The following DACH2 variants were observed in gnomAD, a reference collection of about 807,000 sequenced individuals.
DACH2 encodes the protein dachshund homolog 2.
DACH2 carries 17 observed loss-of-function variants against 35.8 expected under a neutral mutation model. That is an observed-to-expected ratio of 0.48 (90% CI 0.33 to 0.71). The LOEUF is 0.71. Ranked by LOEUF, DACH2 falls within the 30% of genes least tolerant of loss-of-function variation. The pLI, the probability that DACH2 is intolerant of heterozygous loss-of-function variation, is 0.02. For synonymous variants in DACH2, 195 were observed against 177.3 expected, an observed-to-expected ratio of 1.10 and a Z score of -0.79; for missense variants, 469 against 472.7, an observed-to-expected ratio of 0.99 and a Z score of 0.07.
At position 86,394,551 on chromosome X, in the gene DACH2, A is replaced by T. The variant is rs184202376; in HGVS notation, c.527+17689A>T. Reference sequence around the variant, plus strand: ...GATAAAAGAGTATTTCTTTTGAAAAATTTGATATTTTCAAGTTGCTAACTA... The same window carrying T: ...GATAAAAGAGTATTTCTTTTGAAAATTTTGATATTTTCAAGTTGCTAACTA... On this transcript the variant is annotated intron_variant, in intron 2 of 11. Coordinates refer to ENST00000373125, the MANE Select transcript of DACH2 (RefSeq NM_053281.3). 8.1e-5 allele frequency among the ~76,000 whole-genome samples: 9 copies of T among 111,711 alleles called. No individual in the cohort carries two copies. In the East Asian group the frequency reaches 1.1e-3, roughly 14 times the overall value.
intron 3 of DACH2, among the ~76,000 whole-genome samples, chrX:86,587,140 G>A (rs1017843689): frequency 1.8e-5 from 2 of 111,565 alleles, no homozygotes; most frequent in Non-Finnish European, 3.8e-5. Context: ...TCTGTGGTTA[G>A]CTATATTCCA....
At chrX:86,805,797 CA>C (rs2042338859) in intron 7 of DACH2, among the ~76,000 whole-genome samples, 1 of 112,117 alleles carries the variant, frequency 8.9e-6, no homozygotes, top group African/African-American at 3.2e-5. Context: ...AGCAGGCACA[CA>C]ATGCAGCAAG....
intron 3 of DACH2, among the ~76,000 whole-genome samples, chrX:86,592,635 T>G (rs2039661943): frequency 1.8e-5 from 2 of 112,411 alleles, no homozygotes; most frequent in Admixed American, 9.5e-5. Flanking sequence ...TTAATTATAT[T>G]AATTGCTTAC....
intron 1 of DACH2, among the ~76,000 whole-genome samples, chrX:86,271,459 T>C (rs1007510999): frequency 4.5e-5 from 5 of 112,107 alleles, no homozygotes; most frequent in African/African-American, 1.6e-4. Context: ...AGTACTTTGC[T>C]CATAGCAGAA....
intron 4 of DACH2, among the ~76,000 whole-genome samples, chrX:86,657,099 G>A (rs2040552126): frequency 9.3e-6 from 1 of 107,361 alleles, no homozygotes; most frequent in South Asian, 4.1e-4. Flanking sequence ...GTAGTGGGGG[G>A]TGAGGTGAGG....
intron 3 of DACH2, among the ~76,000 whole-genome samples, chrX:86,591,620 C>T (rs1348261913): frequency 9.3e-6 from 1 of 107,628 alleles, no homozygotes; most frequent in African/African-American, 3.5e-5. Flanking sequence ...TCACTGCAAC[C>T]TCCGCCTCCT....
At chrX:86,506,557 A>G (rs1445370464) in intron 2 of DACH2, among the ~76,000 whole-genome samples, 2 of 110,483 alleles carry the variant, frequency 1.8e-5, no homozygotes, top group Non-Finnish European at 3.8e-5. Context: ...TGATGCTCAG[A>G]TAATGCTTTA....
At chrX:86,258,091 A>G (rs2033558354) in intron 1 of DACH2, among the ~76,000 whole-genome samples, 1 of 112,234 alleles carries the variant, frequency 8.9e-6, no homozygotes, top group African/African-American at 3.2e-5. Context: ...CTCACTATAA[A>G]CCATCCATAG....
intron 4 of DACH2, among the ~76,000 whole-genome samples, chrX:86,665,576 GA>G (rs1180756240): frequency 9.0e-6 from 1 of 111,705 alleles, no homozygotes; most frequent in Non-Finnish European, 1.9e-5. Flanking sequence ...AATACTTAAT[GA>G]AAATCTTCTA....
At chrX:86,471,691 C>A (rs1215688014) in intron 2 of DACH2, among the ~76,000 whole-genome samples, 1 of 110,950 alleles carries the variant, frequency 9.0e-6, no homozygotes, top group Admixed American at 9.7e-5. Flanking sequence ...TACTCTTCAT[C>A]TAGTGAGATA....
intron 3 of DACH2, among the ~76,000 whole-genome samples, chrX:86,555,361 G>A (rs2039103506): frequency 8.9e-6 from 1 of 111,744 alleles, no homozygotes; most frequent in East Asian, 2.8e-4. Context: ...AGGAGTTAAT[G>A]TTTTCAATAT....
chrX:86,417,328 G>A (rs1305493937), intron 2 of DACH2, among the ~76,000 whole-genome samples: 1 of 111,050 alleles, frequency 9.0e-6, no homozygotes, highest in Non-Finnish European at 1.9e-5. Flanking sequence ...TTACTAAATT[G>A]TTTTAAAGTA....
rs143913548 is a variant in DACH2 at position 86,727,705 on chromosome X, G to A, written c.1105-12042G>A. 5.4e-3 allele frequency among the ~76,000 whole-genome samples: 598 copies of A among 110,861 alleles called. 8 individuals are homozygous for A. Among genetic ancestry groups the A allele is most frequent in the African/African-American group, 0.018 (560 of 30,480 alleles). On this transcript the variant is annotated intron_variant, in intron 6 of 11. Coordinates refer to ENST00000373125, the MANE Select transcript of DACH2 (RefSeq NM_053281.3). ...CATCACATTCTCTTGCTCCTGCTCC[G>A]GTCATGTGATGTGCCTGCCCCCACT... is the stretch of plus-strand genomic sequence containing the variant.
At chrX:86,233,739 A>AG (rs1006714472) in intron 1 of DACH2, among the ~76,000 whole-genome samples, 17 of 111,802 alleles carry the variant, frequency 1.5e-4, no homozygotes, top group African/African-American at 4.2e-4. Context: ...ATGGTTGGGG[A>AG]GGCCTCAGAA....
intron 1 of DACH2, among the ~76,000 whole-genome samples, chrX:86,244,024 G>A: frequency 9.0e-6 from 1 of 111,490 alleles, no homozygotes; most frequent in Non-Finnish European, 1.9e-5. Context: ...CTGATTATCT[G>A]GGAAATTCAA....
At chrX:86,370,508 G>A (rs2035871470) in intron 1 of DACH2, among the ~76,000 whole-genome samples, 1 of 111,354 alleles carries the variant, frequency 9.0e-6, no homozygotes, top group Admixed American at 9.6e-5. Context: ...GTGTAATGGT[G>A]CTGAAAAATC....
At chrX:86,597,033 G>T (rs189668000) in intron 3 of DACH2, among the ~76,000 whole-genome samples, 5 of 111,440 alleles carry the variant, frequency 4.5e-5, no homozygotes, top group African/African-American at 1.6e-4. Context: ...CTTGATTAAT[G>T]CAGTCTTGTA....
At chrX:86,488,523 C>T (rs992229332) in intron 2 of DACH2, among the ~76,000 whole-genome samples, 1 of 111,139 alleles carries the variant, frequency 9.0e-6, no homozygotes, top group East Asian at 2.8e-4. Context: ...AGCGTTACGA[C>T]TTGGCCAAGT....
intron 11 of DACH2, chrX:86,827,913 T>C: frequency 1.4e-6 from 1 of 715,344 alleles, no homozygotes; most frequent in South Asian, 2.8e-5. Context: ...TGTTCATTAC[T>C]GATAAATAGA....
Sources: allele counts gnomAD v4.1 joint callset (sites outside exome capture counted in the v4.1 genomes callset), GRCh38; gene constraint gnomAD v4.1.1; transcripts MANE v1.5; gene names NCBI Gene and HGNC (gene_info 2026-07-23, HGNC 2026-07-21).